Variants in DOCK7 observed in about 807,000 individuals in gnomAD.
The protein encoded by DOCK7 is dedicator of cytokinesis protein 7.
A neutral mutation model predicts 271.0 loss-of-function variants in DOCK7; 138 were observed. That is an observed-to-expected ratio of 0.51 (90% CI 0.44 to 0.59). The LOEUF (loss-of-function observed/expected upper bound fraction) is 0.59. Among genes scored for constraint, DOCK7 ranks in the 20% least tolerant of loss-of-function variants. The pLI is 0.00. For synonymous variants in DOCK7, 823 were observed against 876.1 expected (o/e 0.94, Z 1.07); for missense variants, 2,066 against 2,592.4 (o/e 0.80, Z 4.41).
chr1:62,461,493 C>A (rs1279188047), intron 48 of DOCK7, among the ~76,000 whole-genome samples: 2 of 151,530 alleles, frequency 1.3e-5, no homozygotes, highest in Non-Finnish European at 2.9e-5. Context: ...CCAGCCTGGG[C>A]AACATAGTGA....
At chr1:62,553,371 T>TAAA (rs1646020062) in intron 21 of DOCK7, among the ~76,000 whole-genome samples, 4 of 8,224 alleles carry the variant, frequency 4.9e-4, no homozygotes, top group East Asian at 3.1e-3. Context: ...TTTTTTTTTT[T>TAAA]TTTTTTTTTT....
chr1:62,572,548 G>A (rs939781757), intron 18 of DOCK7, among the ~76,000 whole-genome samples: 1 of 152,198 alleles, frequency 6.6e-6, no homozygotes, highest in Non-Finnish European at 1.5e-5. Context: ...TCTGGAGACT[G>A]AAAGTCTAAG....
intron 18 of DOCK7, among the ~76,000 whole-genome samples, chr1:62,564,232 G>C (rs142808350): frequency 6.6e-6 from 1 of 152,012 alleles, no homozygotes; most frequent in Admixed American, 6.6e-5. Context: ...AGACATCTAC[G>C]GAACTCTCCA....
At chr1:62,585,144 CA>C (rs1421476682) in intron 15 of DOCK7, among the ~76,000 whole-genome samples, 3 of 151,714 alleles carry the variant, frequency 2.0e-5, no homozygotes, top group Middle Eastern at 3.2e-3. Context: ...AATTATTCAA[CA>C]AATATTTATT....
At chr1:62,511,874 A>C (rs1359632661) in intron 33 of DOCK7, among the ~76,000 whole-genome samples, 2 of 152,080 alleles carry the variant, frequency 1.3e-5, no homozygotes, top group Non-Finnish European at 1.5e-5. Flanking sequence ...CTTAGAACTG[A>C]AAGTTAAGAA....
In DOCK7 at chr1:62,489,080, TTTG is replaced by T. The variant is rs757153624; in HGVS notation, c.5362-18_5362-16del. On this transcript the variant is annotated splice_polypyrimidine_tract_variant and intron_variant, in intron 41 of 49. Transcript: ENST00000635253. ...TACATGCCAGCCTATAAGAAAAAAT[TTTG>T]TTAAGATGTTGCTTTCTTTTACATC... is the stretch of plus-strand genomic sequence containing the variant. The T allele has an allele frequency of 2.5e-5, 39 of 1,547,928 alleles. No homozygotes were observed. Among genetic ancestry groups the T allele is most frequent in the South Asian group, 4.9e-5 (4 of 81,680 alleles).
chr1:62,534,392 T>C (rs1237286921), intron 29 of DOCK7, among the ~76,000 whole-genome samples: 2 of 151,854 alleles, frequency 1.3e-5, no homozygotes, highest in Non-Finnish European at 1.5e-5. Context: ...GGCGGGCTGA[T>C]CACTCGAGGC....
At chr1:62,680,082 C>T (rs1330411740) in intron 1 of DOCK7, among the ~76,000 whole-genome samples, 1 of 152,204 alleles carries the variant, frequency 6.6e-6, no homozygotes, top group African/African-American at 2.4e-5. Flanking sequence ...ATTGCCAAGT[C>T]AATCCTAAGC....
At chr1:62,556,355 A>G (rs1166052518) in intron 20 of DOCK7, among the ~76,000 whole-genome samples, 1 of 152,106 alleles carries the variant, frequency 6.6e-6, no homozygotes, top group East Asian at 1.9e-4. Flanking sequence ...CATTTTAAAG[A>G]TTACTCCAAA....
chr1:62,483,886 T>C (rs187581744), intron 43 of DOCK7: 83 of 152,344 alleles, frequency 5.4e-4, no homozygotes, highest in Non-Finnish European at 1.1e-3. Flanking sequence ...TGACCTGTTT[T>C]ACTTTCTCCT....
intron 29 of DOCK7, among the ~76,000 whole-genome samples, chr1:62,534,486 G>A (rs566537681): frequency 6.6e-4 from 100 of 152,144 alleles, no homozygotes; most frequent in African/African-American, 2.3e-3. Context: ...GTGGTGGCAC[G>A]CGCCTGTAGT....
rs561746327 is a variant in DOCK7 at position 62,667,365 on chromosome 1, A to AAAGG, written c.39-4239_39-4236dup. 2.1e-3 allele frequency among the ~76,000 whole-genome samples: 316 copies of AAAGG among 152,354 alleles called. 2 individuals carry two copies. Among genetic ancestry groups the AAAGG allele is most frequent in the African/African-American group, 7.2e-3 (301 of 41,586 alleles). ...AGAAGTCAGGGAAGAAATGAAGGGT[A>AAAGG]AAGGATATATCAGGGACAAAGAAAA... On this transcript the variant is annotated intron_variant, in intron 1 of 49. Coordinates refer to ENST00000635253, the MANE Select transcript of DOCK7 (RefSeq NM_001367561.1).
intron 38 of DOCK7, chr1:62,495,930 G>C (rs890919685): frequency 5.0e-6 from 2 of 398,486 alleles, no homozygotes; most frequent in African/African-American, 4.2e-5. Context: ...ACTGTAAGTA[G>C]AAATAAAACA....
At chr1:62,536,476 T>C (rs549350964) in intron 28 of DOCK7, among the ~76,000 whole-genome samples, 1 of 152,292 alleles carries the variant, frequency 6.6e-6, no homozygotes, top group South Asian at 2.1e-4. Context: ...TTTGTGTAGC[T>C]ACATCTTTGG....
At chr1:62,507,203 T>C (rs1372224705) in intron 35 of DOCK7, among the ~76,000 whole-genome samples, 3 of 152,082 alleles carry the variant, frequency 2.0e-5, no homozygotes, top group Admixed American at 1.3e-4. Context: ...GCCATTGTAA[T>C]AGCGTGGAAA....
chr1:62,584,876 G>A (rs578157463), intron 15 of DOCK7: 5 of 716,498 alleles, frequency 7.0e-6, no homozygotes, highest in Admixed American at 2.0e-5. Context: ...TGCAGCTGGG[G>A]CTCTGTAGAG....
rs1204977792 is a variant in DOCK7, at chr1:62,478,793, G to A, written c.5509-968C>T. 2.0e-5 allele frequency: 3 copies of A among 152,028 alleles called. No individual in the cohort carries two copies. In the East Asian group the frequency reaches 5.8e-4, roughly 29 times the overall value. 9.4% of individuals were successfully genotyped at this position (152,028 alleles called of 1,614,324 possible). A position where few individuals can be genotyped will look rare whatever the true frequency, so the allele number is the denominator to read the frequency against. On this transcript the variant is annotated intron_variant, in intron 43 of 49. Transcript: ENST00000635253. ...AAAATCTATGAGTGAAAGATAATAA[G>A]TAAAAAATTTTTGAGATGAGTTGGT...
At chr1:62,565,853 CAA>C (rs1269408746) in intron 18 of DOCK7, among the ~76,000 whole-genome samples, 2 of 152,194 alleles carry the variant, frequency 1.3e-5, no homozygotes, top group African/African-American at 2.4e-5. Flanking sequence ...GCAACTTCAG[CAA>C]AGTCTCAGGA....
chr1:62,576,245 GA>G (rs1310045676), intron 18 of DOCK7, among the ~76,000 whole-genome samples: 1 of 152,162 alleles, frequency 6.6e-6, no homozygotes, highest in African/African-American at 2.4e-5. Flanking sequence ...ATGACATGAG[GA>G]AAAATAAAGA....
Sources: gnomAD v4.1 joint callset for allele counts (sites outside exome capture counted in the v4.1 genomes callset) on GRCh38, gnomAD v4.1.1 for gene constraint, MANE v1.5 for transcripts, NCBI Gene and HGNC (gene_info 2026-07-23, HGNC 2026-07-21) for gene names.